Variants in PTPN9 observed in about 807,000 individuals in gnomAD.
The protein encoded by PTPN9 is tyrosine-protein phosphatase non-receptor type 9.
In PTPN9, 26 loss-of-function variants were observed where a neutral mutation model predicts 69.8. The observed-to-expected ratio is 0.37, with a 90% CI of 0.27 to 0.52. The LOEUF (loss-of-function observed/expected upper bound fraction) is 0.52. PTPN9 is among the 20% of genes least tolerant of loss of function. The pLI is 0.91. For synonymous variants in PTPN9, 274 were observed against 272.5 expected, an observed-to-expected ratio of 1.01 and a Z score of -0.05; for missense variants, 549 against 740.3, an observed-to-expected ratio of 0.74 and a Z score of 3.00.
intron 4 of PTPN9, among the ~76,000 whole-genome samples, chr15:75,520,613 C>T (rs564505373): frequency 2.0e-5 from 3 of 151,794 alleles, no homozygotes; most frequent in African/African-American, 7.3e-5. Flanking sequence ...CGCCCAAGTT[C>T]AAGTGATTCT....
Position 75,466,927 on chromosome 15 carries a change from A to G in PTPN9, c.*1842T>C, listed in dbSNP as rs1397159354. 1.3e-5 allele frequency: 2 copies of G among 152,228 alleles called. No individual in the cohort carries two copies. The highest frequency in any genetic ancestry group is 2.4e-5 in the African/African-American group (1 of 41,452). The allele number at this position is 152,228 out of a possible 1,614,324, so 9.4% of individuals were successfully genotyped here. On this transcript the variant is annotated 3_prime_UTR_variant, in exon 13 of 13. Coordinates refer to ENST00000618819, the MANE Select transcript of PTPN9 (RefSeq NM_002833.4). ...CTAGCATAGTGCTTAGCACATCTCA[A>G]GCACTGAACTGGTGCTGGTCCCTCT...
chr15:75,556,883 A>G (rs1226333483), intron 1 of PTPN9, among the ~76,000 whole-genome samples: 1 of 152,128 alleles, frequency 6.6e-6, no homozygotes, highest in East Asian at 1.9e-4. Context: ...AGCCTCTGGT[A>G]TTCTACTTTC....
At position 75,527,243 on chromosome 15, in the gene PTPN9, C is replaced by T. The variant is rs375533645; in HGVS notation, c.82G>A (p.Glu28Lys). The change falls in exon 2 of 13, where the codon GAA becomes AAA. Residue 28 changes from glutamate to lysine, a missense_variant. This residue lies in a region of PTPN9 where 62 missense variants were observed against 53.6 expected (regional missense o/e 1.16). Coordinates refer to ENST00000618819, the MANE Select transcript of PTPN9 (RefSeq NM_002833.4). ...TGAACTGTCCACTTGTTAATCTCTT[C>T]GAGAAACTGCTTGGTAGCCTGTTTG... is the stretch of plus-strand genomic sequence containing the variant. The part of the protein sequence containing the change: ...EEEQATKQFL[E>K]EINKWTVQYN... 1.2e-5 allele frequency: 20 copies of T among 1,613,898 alleles called. No homozygotes were observed. Among genetic ancestry groups the T allele is most frequent in the East Asian group, 4.5e-5 (2 of 44,870 alleles).
At chr15:75,540,315 C>A (rs1164611246) in intron 1 of PTPN9, among the ~76,000 whole-genome samples, 1 of 152,100 alleles carries the variant, frequency 6.6e-6, no homozygotes, top group Non-Finnish European at 1.5e-5. Context: ...AATCCTAGCA[C>A]TTTGGGAAGA....
At chr15:75,568,106 A>C (rs2075134147) in intron 1 of PTPN9, among the ~76,000 whole-genome samples, 1 of 152,124 alleles carries the variant, frequency 6.6e-6, no homozygotes, top group Non-Finnish European at 1.5e-5. Context: ...TATAGTTTGG[A>C]CCTAAGAGAT....
intron 1 of PTPN9, among the ~76,000 whole-genome samples, chr15:75,569,608 G>A (rs1362863815): frequency 1.3e-5 from 2 of 150,592 alleles, no homozygotes; most frequent in Non-Finnish European, 3.0e-5. Flanking sequence ...GGGAGGCTGA[G>A]GCTGGAAAAT....
At chr15:75,543,072 T>C (rs1031932282) in intron 1 of PTPN9, among the ~76,000 whole-genome samples, 25 of 145,886 alleles carry the variant, frequency 1.7e-4, no homozygotes, top group African/African-American at 5.3e-4. Flanking sequence ...ACTGTTCAAT[T>C]CCCACCTATG....
chr15:75,485,416 C>T (rs576618292), intron 8 of PTPN9, among the ~76,000 whole-genome samples: 188 of 128,774 alleles, frequency 1.5e-3, no homozygotes, highest in Middle Eastern at 5.4e-3. Flanking sequence ...GGCCGGACTG[C>T]GGACTGCAGT....
chr15:75,516,455 C>T (rs2074869976), intron 5 of PTPN9, among the ~76,000 whole-genome samples: 2 of 151,556 alleles, frequency 1.3e-5, no homozygotes, highest in Admixed American at 1.3e-4. Flanking sequence ...AGGCGCCTGC[C>T]ACCAGGCCCG....
chr15:75,504,967 C>T (rs2074809858), intron 7 of PTPN9, among the ~76,000 whole-genome samples: 2 of 152,146 alleles, frequency 1.3e-5, no homozygotes, highest in Non-Finnish European at 2.9e-5. Flanking sequence ...GTGTACCCAA[C>T]AGCTCATTGA....
In PTPN9 at chr15:75,494,477, C is replaced by T. The variant is rs560532144; in HGVS notation, c.969-4176G>A. On this transcript the variant is annotated intron_variant, in intron 7 of 12. Transcript: ENST00000618819. ...AAGGGATTCTTCTGCCTCAGCCTCC[C>T]GAGTAGCTGGGATTACAGGAGCCTG... is the stretch of plus-strand genomic sequence containing the variant. Among the ~76,000 whole-genome samples, 4 of 151,776 alleles carry T rather than the reference C, an allele frequency of 2.6e-5. 1 individual carries two copies. In the South Asian group the frequency reaches 6.3e-4, roughly 24 times the overall value.
intron 6 of PTPN9, among the ~76,000 whole-genome samples, chr15:75,506,317 C>T (rs1485586733): frequency 1.3e-5 from 2 of 152,134 alleles, no homozygotes; most frequent in East Asian, 1.9e-4. Context: ...TTCCCAGCAT[C>T]GCTGCATGCT....
Position 75,517,449 on chromosome 15 carries a change from G to A in PTPN9, c.423-85C>T, listed in dbSNP as rs2074876461. ...AAAGCCTAATGCCAAAACAAAACCT[G>A]AGAGTATGAGACACATCTAGGATCA... On this transcript the variant is annotated intron_variant, in intron 4 of 12. Transcript: ENST00000618819. The A allele has an allele frequency of 6.1e-6, 6 of 979,716 alleles. No individual in the cohort carries two copies. In the East Asian group the frequency reaches 1.5e-4, roughly 25 times the overall value. The allele number at this position is 979,716 out of a possible 1,614,324, so 60.7% of individuals were successfully genotyped here.
intron 1 of PTPN9, among the ~76,000 whole-genome samples, chr15:75,529,780 C>T (rs547597544): frequency 6.6e-6 from 1 of 151,154 alleles, no homozygotes; most frequent in Non-Finnish European, 1.5e-5. Flanking sequence ...CATGGTGGTG[C>T]ATGTCTGTAA....
intron 1 of PTPN9, among the ~76,000 whole-genome samples, chr15:75,577,699 G>T (rs978644266): frequency 6.6e-6 from 1 of 152,212 alleles, no homozygotes; most frequent in African/African-American, 2.4e-5. Flanking sequence ...GTGGTCCTTG[G>T]AAACAAGAGC....
chr15:75,488,767 C>T (rs575618618), intron 8 of PTPN9, among the ~76,000 whole-genome samples: 2 of 152,218 alleles, frequency 1.3e-5, no homozygotes, highest in Non-Finnish European at 2.9e-5. Flanking sequence ...GCACTCAAGC[C>T]TGGGTGACAG....
intron 1 of PTPN9, among the ~76,000 whole-genome samples, chr15:75,563,674 A>G (rs2141342115): frequency 6.6e-6 from 1 of 152,346 alleles, no homozygotes; most frequent in Admixed American, 6.5e-5. Context: ...GTCAGCAAAC[A>G]TATTTTGAAC....
chr15:75,558,996 T>G (rs1302342032), intron 1 of PTPN9, among the ~76,000 whole-genome samples: 7 of 151,418 alleles, frequency 4.6e-5, no homozygotes, highest in Admixed American at 4.6e-4. Flanking sequence ...ACCCATCGTC[T>G]GGGATGTGAG....
chr15:75,503,769 TGGG>T (rs560139024), intron 7 of PTPN9, among the ~76,000 whole-genome samples: 5 of 51,540 alleles, frequency 9.7e-5, no homozygotes, highest in African/African-American at 2.4e-4. Flanking sequence ...GGGAGGGAGG[TGGG>T]GGGGGGGTCA....
Sources: gnomAD v4.1 joint callset for allele counts (sites outside exome capture counted in the v4.1 genomes callset) on GRCh38, gnomAD v4.1.1 for gene constraint, gnomAD v4.1.1 regional missense constraint, MANE v1.5 for transcripts, NCBI Gene and HGNC (gene_info 2026-07-23, HGNC 2026-07-21) for gene names.